Variants in LRP1B observed in about 807,000 individuals in gnomAD.
LRP1B encodes the protein LDL receptor related protein 1B.
In LRP1B, 217 loss-of-function variants were observed where a neutral mutation model predicts 556.6. The observed-to-expected ratio is 0.39, with a 90% CI of 0.35 to 0.44. LRP1B has a LOEUF of 0.44. Among genes scored for constraint, LRP1B ranks in the 20% least tolerant of loss-of-function variants. The pLI is 1.00. For missense variants in LRP1B, 5,053 were observed against 5,620.8 expected (o/e 0.90, Z 3.23); for synonymous variants, 2,047 against 1,865.8 (o/e 1.10, Z -2.50).
At chr2:142,013,564 GA>G (rs964596548) in intron 1 of LRP1B, among the ~76,000 whole-genome samples, 27 of 146,276 alleles carry the variant, frequency 1.8e-4, no homozygotes, top group Middle Eastern at 3.5e-3. Flanking sequence ...CTATTCTACA[GA>G]AAAAAAAAAT....
intron 1 of LRP1B, among the ~76,000 whole-genome samples, chr2:141,951,932 G>A (rs1701116975): frequency 6.6e-6 from 1 of 151,620 alleles, no homozygotes; most frequent in Non-Finnish European, 1.5e-5. Flanking sequence ...CCATGTTGGT[G>A]TGCTGCACCC....
chr2:140,519,761 AC>A (rs2104948610), intron 49 of LRP1B, among the ~76,000 whole-genome samples: 1 of 152,330 alleles, frequency 6.6e-6, no homozygotes, highest in African/African-American at 2.4e-5. Flanking sequence ...AAACAAATTT[AC>A]AAGAAAAAAT....
In LRP1B at chr2:140,231,649, G is replaced by A. The variant is rs909334476; in HGVS notation, c.*1537C>T. ...TTACATAAATCAATAGTTTATAAAG[G>A]CCTCAATATGGCAAAGTTTAGAAAT... On this transcript the variant is annotated 3_prime_UTR_variant, in exon 91 of 91. Transcript: ENST00000389484. The A allele has an allele frequency of 6.6e-6, 1 of 151,638 alleles. No individual in the cohort carries two copies. Among genetic ancestry groups the A allele is most frequent in the South Asian group, 2.1e-4 (1 of 4,816 alleles). 9.4% of individuals were successfully genotyped at this position (151,638 alleles called of 1,614,324 possible).
chr2:141,452,814 C>A (rs1168926689), intron 3 of LRP1B, among the ~76,000 whole-genome samples: 2 of 152,180 alleles, frequency 1.3e-5, no homozygotes, highest in East Asian at 3.9e-4. Context: ...AGAGGGTAAC[C>A]TACTTTTCTT....
chr2:141,985,642 A>G (rs1227491795), intron 1 of LRP1B, among the ~76,000 whole-genome samples: 1 of 151,826 alleles, frequency 6.6e-6, no homozygotes, highest in Non-Finnish European at 1.5e-5. Context: ...AAATTAGATG[A>G]GAGAGGTAAA....
At chr2:141,187,327 C>G (rs1379858267) in intron 7 of LRP1B, among the ~76,000 whole-genome samples, 1 of 152,068 alleles carries the variant, frequency 6.6e-6, no homozygotes, top group African/African-American at 2.4e-5. Context: ...AATATTCAAT[C>G]AGACTTTAAG....
intron 41 of LRP1B, among the ~76,000 whole-genome samples, chr2:140,628,686 T>A (rs1369708478): frequency 6.6e-6 from 1 of 152,180 alleles, no homozygotes. Flanking sequence ...TGTTAATTAA[T>A]TGGTAAAGAT....
At chr2:142,099,500 A>G (rs1346055876) in intron 1 of LRP1B, among the ~76,000 whole-genome samples, 8 of 151,958 alleles carry the variant, frequency 5.3e-5, no homozygotes, top group Admixed American at 5.3e-4. Context: ...TTGATAATTT[A>G]TGATAAGAAA....
intron 77 of LRP1B, among the ~76,000 whole-genome samples, chr2:140,346,882 T>C (rs1681715442): frequency 6.6e-6 from 1 of 152,016 alleles, no homozygotes; most frequent in Non-Finnish European, 1.5e-5. Flanking sequence ...GAAAAAGATA[T>C]GATTATTAAT....
At chr2:141,388,302 G>A (rs770180048) in intron 3 of LRP1B, among the ~76,000 whole-genome samples, 1 of 152,228 alleles carries the variant, frequency 6.6e-6, no homozygotes, top group Non-Finnish European at 1.5e-5. Context: ...TGGGTATGGT[G>A]GTGGGTGCCT....
At chr2:142,054,097 C>T (rs1704570311) in intron 1 of LRP1B, among the ~76,000 whole-genome samples, 1 of 152,046 alleles carries the variant, frequency 6.6e-6, no homozygotes, top group Non-Finnish European at 1.5e-5. Flanking sequence ...TTTATAAGGG[C>T]AAATATGTCT....
At chr2:141,600,270 C>T (rs553968407) in intron 2 of LRP1B, among the ~76,000 whole-genome samples, 200 of 152,182 alleles carry the variant, frequency 1.3e-3, no homozygotes, top group Non-Finnish European at 2.3e-3. Flanking sequence ...TACCCAAGTC[C>T]CTCTCCAGAC....
chr2:141,739,599 C>T (rs1693621279), intron 2 of LRP1B, among the ~76,000 whole-genome samples: 1 of 151,764 alleles, frequency 6.6e-6, no homozygotes, highest in Non-Finnish European at 1.5e-5. Context: ...CAAATATTGT[C>T]TTCACTTGCG....
At chr2:140,476,805 C>T (rs1457340333) in intron 59 of LRP1B, among the ~76,000 whole-genome samples, 1 of 151,902 alleles carries the variant, frequency 6.6e-6, no homozygotes, top group African/African-American at 2.4e-5. Context: ...CTCTGAAAGT[C>T]AAAATGTAAA....
intron 1 of LRP1B, among the ~76,000 whole-genome samples, chr2:141,827,226 T>G (rs976775586): frequency 1.3e-5 from 2 of 152,254 alleles, no homozygotes; most frequent in Non-Finnish European, 2.9e-5. Context: ...AGTTCTTTTG[T>G]TGAATTATCC....
intron 2 of LRP1B, among the ~76,000 whole-genome samples, chr2:141,718,431 A>G (rs1472710106): frequency 2.0e-5 from 3 of 152,190 alleles, no homozygotes; most frequent in Non-Finnish European, 4.4e-5. Context: ...CTCTACCTCC[A>G]AACTCATAAA....
At chr2:140,387,020 A>G (rs1683788178) in intron 66 of LRP1B, among the ~76,000 whole-genome samples, 1 of 152,194 alleles carries the variant, frequency 6.6e-6, no homozygotes, top group Non-Finnish European at 1.5e-5. Context: ...AGCACACTGA[A>G]TAGCAAGGTT....
intron 2 of LRP1B, among the ~76,000 whole-genome samples, chr2:141,666,957 A>T (rs1196182831): frequency 6.6e-6 from 1 of 151,952 alleles, no homozygotes; most frequent in African/African-American, 2.4e-5. Context: ...TGCTGCCCTC[A>T]GCTCATTTGC....
At chr2:142,093,690 A>C (rs1706256847) in intron 1 of LRP1B, among the ~76,000 whole-genome samples, 1 of 152,018 alleles carries the variant, frequency 6.6e-6, no homozygotes, top group African/African-American at 2.4e-5. Flanking sequence ...GTGTGTGTAA[A>C]AGAGTAAACC....
Sources: gnomAD v4.1 joint callset for allele counts (sites outside exome capture counted in the v4.1 genomes callset) on GRCh38, gnomAD v4.1.1 for gene constraint, MANE v1.5 for transcripts, NCBI Gene and HGNC (gene_info 2026-07-23, HGNC 2026-07-21) for gene names.